CERK: variants seen among roughly 807,000 people sequenced by gnomAD.
The protein encoded by CERK is acylsphingosine kinase.
CERK carries 39 observed loss-of-function variants against 63.4 expected under a neutral mutation model. That is an observed-to-expected ratio of 0.61 (90% confidence interval 0.48 to 0.80). The LOEUF (loss-of-function observed/expected upper bound fraction) is 0.80. Ranked by LOEUF, CERK falls within the 30% of genes least tolerant of loss-of-function variation. CERK has a pLI of 0.00. For missense variants in CERK, 670 were observed against 714.1 expected (o/e 0.94, Z 0.70); for synonymous variants, 302 against 280.0 (o/e 1.08, Z -0.78).
chr22:46,699,066 G>A (rs915048365), intron 8 of CERK, among the ~76,000 whole-genome samples: 1 of 152,110 alleles, frequency 6.6e-6, no homozygotes, highest in African/African-American at 2.4e-5. Context: ...AACTGCGTCC[G>A]TCATGGTGTC....
At chr22:46,689,420 G>C (rs1294120072) in intron 12 of CERK, among the ~76,000 whole-genome samples, 4 of 152,246 alleles carry the variant, frequency 2.6e-5, no homozygotes, top group Non-Finnish European at 5.9e-5. Flanking sequence ...ACCAAGGCTG[G>C]AGTGCAGTGG....
chr22:46,734,499 G>C (rs887025940), intron 1 of CERK, among the ~76,000 whole-genome samples: 1 of 152,200 alleles, frequency 6.6e-6, no homozygotes, highest in African/African-American at 2.4e-5. Flanking sequence ...TATTAGCATC[G>C]TGCCTGTCCC....
At position 46,732,421 on chromosome 22, in the gene CERK, A is replaced by C. The variant is rs377218989; in HGVS notation, c.142+5586T>G. On this transcript the variant is annotated intron_variant, in intron 1 of 12. Coordinates refer to ENST00000216264, the MANE Select transcript of CERK (RefSeq NM_022766.6). ...ATGCAAAAATCTAGACTGTTAGAGA[A>C]GAAAAATAAATTGGGTGGGGGGGAC... is the stretch of plus-strand genomic sequence containing the variant. Among the ~76,000 whole-genome samples, 25 of 150,270 alleles carry C rather than the reference A, an allele frequency of 1.7e-4. No homozygotes were observed. In the East Asian group the frequency reaches 1.8e-3, roughly 11 times the overall value.
intron 8 of CERK, among the ~76,000 whole-genome samples, chr22:46,696,960 G>A (rs900986057): frequency 3.9e-5 from 6 of 152,198 alleles, no homozygotes; most frequent in African/African-American, 1.4e-4. Flanking sequence ...AAGGGCAGTC[G>A]GGAGAATGGC....
intron 2 of CERK, 125 bp from the exon 3 acceptor site, chr22:46,720,333 C>G: frequency 1.9e-6 from 2 of 1,075,666 alleles, no homozygotes; most frequent in Non-Finnish European, 2.6e-6. Context: ...GGGTTCTCCT[C>G]CCTTCTAATT....
chr22:46,729,995 C>T (rs1268884005), intron 1 of CERK, among the ~76,000 whole-genome samples: 1 of 151,724 alleles, frequency 6.6e-6, no homozygotes, highest in Admixed American at 6.6e-5. Context: ...GCCAAGATCG[C>T]ACCACTGCAC....
intron 8 of CERK, among the ~76,000 whole-genome samples, chr22:46,696,592 G>A (rs934447460): frequency 3.9e-5 from 6 of 152,172 alleles, no homozygotes; most frequent in African/African-American, 1.4e-4. Context: ...AAAACTCCAC[G>A]TGTCTCAACA....
At chr22:46,706,918 A>C (rs1255507020) in intron 6 of CERK, among the ~76,000 whole-genome samples, 1 of 152,200 alleles carries the variant, frequency 6.6e-6, no homozygotes, top group Non-Finnish European at 1.5e-5. Flanking sequence ...TCAAGTAAAC[A>C]CTGGCCCACA....
At chr22:46,733,180 C>G (rs1290500358) in intron 1 of CERK, among the ~76,000 whole-genome samples, 1 of 140,052 alleles carries the variant, frequency 7.1e-6, no homozygotes, top group South Asian at 2.4e-4. Flanking sequence ...TGCACTCCAG[C>G]CCTGGGCGAC....
intron 10 of CERK, among the ~76,000 whole-genome samples, chr22:46,692,294 T>C (rs135673): frequency 0.2 from 30,637 of 151,338 alleles, 3,233 homozygotes; most frequent in East Asian, 0.36. Context: ...GGCGTGGCGG[T>C]GCATGCCTGT....
chr22:46,726,466 C>A (rs929118988), intron 1 of CERK, among the ~76,000 whole-genome samples: 2 of 152,148 alleles, frequency 1.3e-5, no homozygotes, highest in African/African-American at 4.8e-5. Flanking sequence ...GCCACACTGA[C>A]CTCCACATGC....
At chr22:46,712,476 A>T (rs1186664119) in intron 3 of CERK, among the ~76,000 whole-genome samples, 183 bp from the exon 4 acceptor site, 1 of 152,220 alleles carries the variant, frequency 6.6e-6, no homozygotes, top group Non-Finnish European at 1.5e-5. Context: ...AGAGAAAATC[A>T]ACAGGTTGTC....
At chr22:46,720,457 G>A (rs963323325) in intron 2 of CERK, among the ~76,000 whole-genome samples, 3 of 152,188 alleles carry the variant, frequency 2.0e-5, no homozygotes, top group Non-Finnish European at 4.4e-5. Context: ...CACTTTGGGA[G>A]GCTGAGGCGG....
At chr22:46,694,244 A>C (rs1167758469) in intron 9 of CERK, among the ~76,000 whole-genome samples, 2 of 152,184 alleles carry the variant, frequency 1.3e-5, no homozygotes, top group African/African-American at 4.8e-5. Context: ...GGCAGAGCAG[A>C]GACAGGATGA....
Position 46,685,681 on chromosome 22 carries a change from G to C in CERK, c.*1453C>G, listed in dbSNP as rs2082696606. ...CTTGCACAGTGCTCTCTGATAATGT[G>C]GTCCATAAAAACCACCATTAAAGCT... On this transcript the variant is annotated 3_prime_UTR_variant, in exon 13 of 13. Coordinates refer to ENST00000216264, the MANE Select transcript of CERK (RefSeq NM_022766.6). The C allele has an allele frequency of 6.6e-6, 1 of 152,118 alleles. No homozygotes were observed. The highest frequency in any genetic ancestry group is 2.4e-5 in the African/African-American group (1 of 41,406). 9.4% of individuals were successfully genotyped at this position (152,118 alleles called of 1,614,324 possible). A position where few individuals can be genotyped will look rare whatever the true frequency, so the allele number is the denominator to read the frequency against.
At chr22:46,727,370 C>G (rs2082923739) in intron 1 of CERK, among the ~76,000 whole-genome samples, 1 of 151,946 alleles carries the variant, frequency 6.6e-6, no homozygotes, top group Non-Finnish European at 1.5e-5. Flanking sequence ...GCCTCGACCT[C>G]CCAGGCTCAT....
chr22:46,701,315 C>A (rs1206252945), intron 7 of CERK, among the ~76,000 whole-genome samples: 2 of 152,276 alleles, frequency 1.3e-5, no homozygotes, highest in Non-Finnish European at 2.9e-5. Context: ...GTTTCCGAGC[C>A]TCGGGGCAGC....
intron 1 of CERK, among the ~76,000 whole-genome samples, chr22:46,728,330 C>T (rs2082929888): frequency 1.3e-5 from 2 of 152,098 alleles, no homozygotes; most frequent in African/African-American, 4.8e-5. Flanking sequence ...GCTCTTCCCC[C>T]CGTGCACCCT....
intron 9 of CERK, 82 bp from the exon 10 acceptor site, chr22:46,693,585 C>A: frequency 2.6e-6 from 3 of 1,156,578 alleles, no homozygotes; most frequent in Non-Finnish European, 3.9e-6. Context: ...GATGTATTTA[C>A]ATTCTTTTCA....
Sources: gnomAD v4.1 joint callset for allele counts (sites outside exome capture counted in the v4.1 genomes callset) on GRCh38, gnomAD v4.1.1 for gene constraint, MANE v1.5 for transcripts, NCBI Gene and HGNC (gene_info 2026-07-23, HGNC 2026-07-21) for gene names.